NUGGC: variants seen among roughly 807,000 people sequenced by gnomAD.
NUGGC encodes nuclear GTPase, germinal center associated.
Under a neutral mutation model 92.6 loss-of-function variants are expected in NUGGC, and 58 were observed. That is an observed-to-expected ratio of 0.63 (90% CI 0.51 to 0.78). NUGGC has a LOEUF of 0.78. NUGGC is among the 30% of genes least tolerant of loss of function. The pLI is 0.00. For missense variants in NUGGC, 925 were observed against 964.6 expected, an observed-to-expected ratio of 0.96 and a Z score of 0.54; for synonymous variants, 376 against 366.4, an observed-to-expected ratio of 1.03 and a Z score of -0.30.
At chr8:28,026,256 TC>T (rs1223898386) in intron 18 of NUGGC, among the ~76,000 whole-genome samples, 1 of 152,114 alleles carries the variant, frequency 6.6e-6, no homozygotes, top group Non-Finnish European at 1.5e-5. Flanking sequence ...TATGCCACCC[TC>T]CCCCCATATA....
At chr8:28,056,949 C>T (rs1232970817) in intron 9 of NUGGC, among the ~76,000 whole-genome samples, 2 of 152,186 alleles carry the variant, frequency 1.3e-5, no homozygotes, top group Non-Finnish European at 2.9e-5. Flanking sequence ...CCACTTAAAG[C>T]GCCAAACACC....
intron 5 of NUGGC, 78 bp from the exon 6 acceptor site, chr8:28,067,822 C>T: frequency 8.9e-7 from 1 of 1,125,552 alleles, no homozygotes; most frequent in East Asian, 2.5e-5. Context: ...CCCATTGCCC[C>T]CTGTGGAGGG....
chr8:28,041,165 A>G lies in NUGGC; in HGVS notation c.1497T>C (p.Val499=). Residue 499 remains valine, a synonymous_variant, in exon 13 of 19, where the codon GTT becomes GTC. Transcript: ENST00000413272. ...GTGCGATGGCCTTCTCCAGCAGCTC[A>G]ACCTTCTCTTCCGCAAATCTCCGCA... ...SVLRRFAEEK[V]ELLEKAIAQC... is the part of the protein sequence containing the mutation. 1 of 1,611,342 alleles carries G rather than the reference A, an allele frequency of 6.2e-7. No homozygotes were observed. The highest frequency in any genetic ancestry group is 8.5e-7 in the Non-Finnish European group (1 of 1,178,976).
intron 7 of NUGGC, among the ~76,000 whole-genome samples, chr8:28,062,281 A>G (rs1310185940): frequency 1.3e-5 from 2 of 152,190 alleles, no homozygotes; most frequent in African/African-American, 2.4e-5. Context: ...AATAAAAACC[A>G]TTACAGCCCT....
At chr8:28,077,548 C>T (rs544133827) in intron 1 of NUGGC, among the ~76,000 whole-genome samples, 1 of 151,782 alleles carries the variant, frequency 6.6e-6, no homozygotes, top group South Asian at 2.1e-4. Flanking sequence ...GCCTGGGTGA[C>T]AGCAAGACCC....
rs768445381 is a variant in NUGGC, at chr8:28,055,952, C to T, written c.1206+13G>A. On this transcript the variant is annotated intron_variant, in intron 10 of 18. Transcript: ENST00000413272. ...GGATACAGAAAAACACATAGAGAAA[C>T]CTATTAACTCACCTTCAGTTTTTCC... The T allele has an allele frequency of 1.5e-6, 2 of 1,373,658 alleles. No homozygotes were observed. The highest frequency in any genetic ancestry group is 1.4e-5 in the African/African-American group (1 of 69,634). The allele number at this position is 1,373,658 out of a possible 1,614,324, so 85.1% of individuals were successfully genotyped here.
intron 12 of NUGGC, among the ~76,000 whole-genome samples, chr8:28,042,442 C>A (rs1204513333): frequency 6.6e-6 from 1 of 152,178 alleles, no homozygotes; most frequent in East Asian, 1.9e-4. Context: ...GCTGCTATTC[C>A]CCAAACATGC....
At chr8:28,030,448 G>T in intron 15 of NUGGC, 30 bp from the exon 16 acceptor site, 1 of 1,236,858 alleles carries the variant, frequency 8.1e-7, no homozygotes. Flanking sequence ...GAGGCCGTTG[G>T]TGACAATTCC....
chr8:28,074,155 A>G (rs1420116489), intron 2 of NUGGC, among the ~76,000 whole-genome samples: 1 of 152,022 alleles, frequency 6.6e-6, no homozygotes, highest in Non-Finnish European at 1.5e-5. Flanking sequence ...CTGCTGGCCA[A>G]ACAGTTCACT....
rs770817728 is a variant in NUGGC at position 28,023,296 on chromosome 8, A to G, written c.*21T>C. On this transcript the variant is annotated 3_prime_UTR_variant, in exon 19 of 19. Transcript: ENST00000413272. ...CTGGCTCTGGGCTGATTTTTCATCC[A>G]TTGGGACTAAGCCCCAGGAGTTACA... 1.9e-5 allele frequency: 30 copies of G among 1,605,370 alleles called. No homozygotes were observed. Among genetic ancestry groups the G allele is most frequent in the Non-Finnish European group, 2.5e-5 (29 of 1,176,106 alleles).
At chr8:28,029,938 C>T (rs1012725850) in intron 16 of NUGGC, among the ~76,000 whole-genome samples, 2 of 152,108 alleles carry the variant, frequency 1.3e-5, no homozygotes, top group Admixed American at 6.6e-5. Context: ...CTCCCTACCC[C>T]TCAAACGACA....
rs151128453 is a variant in NUGGC, at chr8:28,081,088, G to A, written c.-47+2687C>T. Among the ~76,000 whole-genome samples the A allele has an allele frequency of 9.9e-3, 1,506 of 152,296 alleles. 25 individuals carry two copies. The highest frequency in any genetic ancestry group is 0.034 in the African/African-American group (1,420 of 41,558). On this transcript the variant is annotated intron_variant, in intron 1 of 18. Transcript: ENST00000413272. ...AATTCTAGCACCTTGGGAGGCCAAG[G>A]TGGGCCGATCACTTGAGGTCAGGAG...
At chr8:28,034,383 A>G (rs942432872) in intron 13 of NUGGC, among the ~76,000 whole-genome samples, 4 of 152,230 alleles carry the variant, frequency 2.6e-5, no homozygotes, top group African/African-American at 9.6e-5. Context: ...ATTTCAGTAG[A>G]GAGCTCTGTG....
At chr8:28,080,465 C>T (rs1351611982) in intron 1 of NUGGC, among the ~76,000 whole-genome samples, 1 of 152,204 alleles carries the variant, frequency 6.6e-6, no homozygotes, top group Non-Finnish European at 1.5e-5. Flanking sequence ...CCCTTGCCAA[C>T]ACTATTTACT....
At chr8:28,069,235 G>A (rs780789834) in intron 4 of NUGGC, among the ~76,000 whole-genome samples, 5 of 152,070 alleles carry the variant, frequency 3.3e-5, no homozygotes, top group Non-Finnish European at 7.4e-5. Context: ...ACTGACTACT[G>A]GTGTGAGTTT....
chr8:28,053,310 G>A (rs934828359), intron 10 of NUGGC, among the ~76,000 whole-genome samples: 1 of 151,990 alleles, frequency 6.6e-6, no homozygotes, highest in Admixed American at 6.6e-5. Flanking sequence ...AAAATTAGCT[G>A]GATGTGGTGG....
intron 13 of NUGGC, among the ~76,000 whole-genome samples, chr8:28,035,097 AC>A (rs1809521291): frequency 2.0e-5 from 3 of 152,132 alleles, no homozygotes; most frequent in Admixed American, 2.0e-4. Flanking sequence ...AGTCCTGGAG[AC>A]GCTCGAAAAT....
At chr8:28,069,062 T>C (rs1810520436) in intron 4 of NUGGC, among the ~76,000 whole-genome samples, 1 of 152,182 alleles carries the variant, frequency 6.6e-6, no homozygotes, top group Admixed American at 6.5e-5. Context: ...ATACAATGTA[T>C]ACAGACATGA....
chr8:28,045,801 A>G (rs1211476779), intron 11 of NUGGC, 141 bp from the exon 12 acceptor site: 1 of 770,384 alleles, frequency 1.3e-6, no homozygotes, highest in Non-Finnish European at 2.1e-6. Context: ...CTACAGAACC[A>G]ACCTTTCTGA....
Sources: allele counts gnomAD v4.1 joint callset (sites outside exome capture counted in the v4.1 genomes callset), GRCh38; gene constraint gnomAD v4.1.1; transcripts MANE v1.5; gene names NCBI Gene and HGNC (gene_info 2026-07-23, HGNC 2026-07-21).